Variants in CELF2 observed in about 807,000 individuals in gnomAD.
CELF2 encodes the protein CUG triplet repeat RNA-binding protein 2.
Under a neutral mutation model 62.6 loss-of-function variants are expected in CELF2, and 8 were observed. That is an observed-to-expected ratio of 0.13 (90% confidence interval 0.07 to 0.23). CELF2 has a LOEUF of 0.23. Among genes scored for constraint, CELF2 ranks in the 10% least tolerant of loss-of-function variants. CELF2 has a pLI of 1.00. For synonymous variants in CELF2, 258 were observed against 250.0 expected (o/e 1.03, Z -0.30); for missense variants, 333 against 671.0 (o/e 0.50, Z 5.56).
the CELF2 span, among the ~76,000 whole-genome samples, chr10:10,544,107 A>G: frequency 6.6e-6 from 1 of 152,220 alleles, no homozygotes; most frequent in African/African-American, 2.4e-5. Flanking sequence ...CATTCCACCT[A>G]TGAACGTTCT....
At chr10:10,757,739 A>G in the CELF2 span, among the ~76,000 whole-genome samples, 1 of 152,228 alleles carries the variant, frequency 6.6e-6, no homozygotes, top group African/African-American at 2.4e-5. Context: ...GGCTTAGTAA[A>G]GCATTATGGC....
At position 11,078,813 on chromosome 10, in the gene CELF2, C is replaced by T. The variant is rs537714017; in HGVS notation, c.74+60650C>T. On this transcript the variant is annotated intron_variant, in intron 1 of 12. Transcript: ENST00000633077. ...AAAAGACTCTAAACCTTTGGCTGTC[C>T]AGTGGTTGCTGTCTGGGAGTGATGG... Among the ~76,000 whole-genome samples the T allele has an allele frequency of 7.9e-4, 120 of 152,272 alleles. 2 individuals carry two copies. The highest frequency in any genetic ancestry group is 1.5e-3 in the Non-Finnish European group (101 of 68,022).
chr10:10,782,390 GA>G, the CELF2 span, among the ~76,000 whole-genome samples: 1 of 152,210 alleles, frequency 6.6e-6, no homozygotes, highest in East Asian at 1.9e-4. Context: ...GAGGCAGAAA[GA>G]AAGGGGGCAA....
chr10:11,009,906 G>T (rs919857575), intron 1 of CELF2, among the ~76,000 whole-genome samples: 2 of 152,252 alleles, frequency 1.3e-5, no homozygotes, highest in African/African-American at 4.8e-5. Flanking sequence ...AAGGCCTGCA[G>T]CTGCAATCAG....
chr10:11,320,889 G>A (rs1469922843), intron 10 of CELF2: 2 of 1,543,268 alleles, frequency 1.3e-6, no homozygotes, highest in South Asian at 1.2e-5. Context: ...ACTTCCAAAA[G>A]ATAACAACGG....
chr10:10,559,835 G>A, the CELF2 span, among the ~76,000 whole-genome samples: 3 of 152,140 alleles, frequency 2.0e-5, no homozygotes, highest in Non-Finnish European at 1.5e-5. Flanking sequence ...TGTGACTATG[G>A]CCTCCACAAC....
At chr10:10,747,192 G>A in the CELF2 span, among the ~76,000 whole-genome samples, 1 of 152,198 alleles carries the variant, frequency 6.6e-6, no homozygotes, top group African/African-American at 2.4e-5. Flanking sequence ...GCTGGAAATG[G>A]AGGCTGTTCT....
the CELF2 span, among the ~76,000 whole-genome samples, chr10:10,577,767 C>T: frequency 1.3e-5 from 2 of 152,166 alleles, no homozygotes; most frequent in South Asian, 2.1e-4. Flanking sequence ...CATTCTTGGA[C>T]ATTTGGGTTG....
chr10:11,210,772 T>G (rs2061596344), intron 2 of CELF2, among the ~76,000 whole-genome samples: 1 of 152,184 alleles, frequency 6.6e-6, no homozygotes, highest in Non-Finnish European at 1.5e-5. Context: ...TGGCATGTGA[T>G]CTGAAGTTCC....
the CELF2 span, among the ~76,000 whole-genome samples, chr10:10,653,676 A>C: frequency 4.3e-3 from 634 of 146,808 alleles, 3 homozygotes; most frequent in African/African-American, 0.015. Flanking sequence ...CAACGAGAAC[A>C]AAGACACAAC....
rs1369294364 is a variant in CELF2, at chr10:11,074,534, G to A, written c.74+56371G>A. ...GATTTCTAGCCCATGCCTGATTGCC[G>A]TTTTTTGGTTTGCCTAATTAATATT... On this transcript the variant is annotated intron_variant, in intron 1 of 12. Coordinates refer to ENST00000633077, the MANE Select transcript of CELF2 (RefSeq NM_001326342.2). Among the ~76,000 whole-genome samples the A allele has an allele frequency of 5.9e-5, 9 of 152,172 alleles. No homozygotes were observed. In the East Asian group the frequency reaches 7.7e-4, roughly 13 times the overall value.
chr10:11,266,963 G>T (rs547826150), intron 6 of CELF2, among the ~76,000 whole-genome samples: 1 of 152,224 alleles, frequency 6.6e-6, no homozygotes, highest in Admixed American at 6.5e-5. Context: ...ATGTAAAGTC[G>T]TGAGCACTTT....
At chr10:10,880,165 G>A (rs7893491) in intron 1 of CELF2, among the ~76,000 whole-genome samples, 45,782 of 151,930 alleles carry the variant, frequency 0.3, 8,430 homozygotes, top group East Asian at 0.73. Context: ...AGCACAAGAG[G>A]AGACTGTTAC....
At chr10:10,852,006 T>C (rs1198410939) in intron 1 of CELF2, among the ~76,000 whole-genome samples, 1 of 152,248 alleles carries the variant, frequency 6.6e-6, no homozygotes, top group Non-Finnish European at 1.5e-5. Context: ...GGTGGGAATG[T>C]AAAATGCTAC....
intron 2 of CELF2, among the ~76,000 whole-genome samples, chr10:10,956,137 CCTT>C (rs1255994712): frequency 7.2e-5 from 11 of 152,174 alleles, no homozygotes; most frequent in Non-Finnish European, 1.0e-4. Context: ...ATAGCAACAT[CCTT>C]CTTCTGTTTC....
At chr10:10,750,396 C>CA in the CELF2 span, among the ~76,000 whole-genome samples, 2 of 151,968 alleles carry the variant, frequency 1.3e-5, no homozygotes, top group African/African-American at 4.8e-5. Flanking sequence ...GGGGAAAATG[C>CA]AAAAAATCAG....
Position 11,297,463 on chromosome 10 carries a change from G to A in CELF2, c.976+8911G>A, listed in dbSNP as rs764332067. ...TGCTTGTGGAACAGAGGGACCAGGG[G>A]ATGGAAAGGGAGCTTTCTGGGTAGC... is the stretch of plus-strand genomic sequence containing the variant. On this transcript the variant is annotated intron_variant, in intron 9 of 12. Transcript: ENST00000633077. This position sits in a 1 kb window ranked among gnomAD's most constrained non-coding sequence, Gnocchi z 4.4. 1.3e-5 allele frequency among the ~76,000 whole-genome samples: 2 copies of A among 152,184 alleles called. No individual in the cohort carries two copies. Among genetic ancestry groups the A allele is most frequent in the East Asian group, 1.9e-4 (1 of 5,164 alleles).
At chr10:11,103,486 G>GTTTTTTTTTTTTTTTT (rs1300138516) in intron 1 of CELF2, among the ~76,000 whole-genome samples, 1 of 66,826 alleles carries the variant, frequency 1.5e-5, no homozygotes, top group African/African-American at 1.1e-4. Context: ...TTTGTAGCCT[G>GTTTTTTTTTTTTTTTT]ATTTTTTTTT....
chr10:11,056,970 G>C (rs1302103041), intron 1 of CELF2, among the ~76,000 whole-genome samples: 1 of 152,198 alleles, frequency 6.6e-6, no homozygotes, highest in African/African-American at 2.4e-5. Context: ...TGGGGGAGGG[G>C]TGAGTAAGAA....
Sources: gnomAD v4.1 joint callset for allele counts (sites outside exome capture counted in the v4.1 genomes callset) on GRCh38, gnomAD v4.1.1 for gene constraint, Gnocchi (gnomAD v3.1) non-coding constraint, MANE v1.5 for transcripts, NCBI Gene and HGNC (gene_info 2026-07-23, HGNC 2026-07-21) for gene names.